Variants in POU2F3 observed in about 807,000 individuals in gnomAD.
The protein encoded by POU2F3 is POU class 2 homeobox 3.
Under a neutral mutation model 59.2 loss-of-function variants are expected in POU2F3, and 23 were observed. The ratio of observed to expected loss-of-function variants is 0.39; its 90% CI spans 0.28 to 0.55. The LOEUF is 0.55. Ranked by LOEUF, POU2F3 falls within the 20% of genes least tolerant of loss-of-function variation. The probability of loss-of-function intolerance (pLI) is 0.66; values close to 1 mark genes in which losing one functional copy is unlikely to be tolerated. For synonymous variants in POU2F3, 190 were observed against 214.6 expected (o/e 0.89, Z 1.00); for missense variants, 473 against 544.5 (o/e 0.87, Z 1.31).
At chr11:120,242,301 G>A (rs2135117339) in intron 1 of POU2F3, among the ~76,000 whole-genome samples, 2 of 152,242 alleles carry the variant, frequency 1.3e-5, no homozygotes, top group Middle Eastern at 3.4e-3. Flanking sequence ...GGTCCTCCTG[G>A]TGGCCTTTAC....
intron 2 of POU2F3, among the ~76,000 whole-genome samples, chr11:120,267,106 C>T (rs1477377094): frequency 6.6e-6 from 1 of 152,018 alleles, no homozygotes; most frequent in Non-Finnish European, 1.5e-5. Flanking sequence ...GTGGGTCCTT[C>T]CCGTCTTTAG....
upstream of POU2F3, chr11:120,236,639 T>C (rs760659353): frequency 6.8e-7 from 1 of 1,464,186 alleles, no homozygotes; most frequent in Non-Finnish European, 9.2e-7. Context: ...TTCCTCTCTA[T>C]CTCACTCCAG....
intron 3 of POU2F3, among the ~76,000 whole-genome samples, chr11:120,277,308 A>G (rs536079265): frequency 1.3e-5 from 2 of 151,836 alleles, no homozygotes; most frequent in Admixed American, 6.6e-5. Context: ...AAAAAATAAA[A>G]AAATTTTAAA....
chr11:120,245,654 G>T (rs545193293), intron 1 of POU2F3, among the ~76,000 whole-genome samples: 41 of 152,322 alleles, frequency 2.7e-4, no homozygotes, highest in African/African-American at 9.4e-4. Context: ...CACATAGGTG[G>T]TGGCAGCTGT....
At chr11:120,294,826 A>G (rs1406340682) in intron 3 of POU2F3, among the ~76,000 whole-genome samples, 1 of 152,220 alleles carries the variant, frequency 6.6e-6, no homozygotes, top group East Asian at 1.9e-4. Context: ...GTCCTTTATT[A>G]TCTTTCAATT....
chr11:120,266,162 A>G (rs575948538), intron 2 of POU2F3, among the ~76,000 whole-genome samples: 3 of 152,094 alleles, frequency 2.0e-5, no homozygotes, highest in African/African-American at 7.2e-5. Context: ...AAGTCACCCC[A>G]TCGTAGTGAG....
chr11:120,297,768 AT>A (rs546371223), intron 3 of POU2F3, among the ~76,000 whole-genome samples: 273 of 151,950 alleles, frequency 1.8e-3, no homozygotes, highest in African/African-American at 6.5e-3. Flanking sequence ...ATTTCTAAGA[AT>A]TTAATCCATT....
chr11:120,256,950 C>A (rs1197515331), intron 2 of POU2F3: 1 of 152,190 alleles, frequency 6.6e-6, no homozygotes. Context: ...AATCAGTAAC[C>A]TTAGGCGAGG....
chr11:120,251,523 C>T (rs1939098880), intron 2 of POU2F3, among the ~76,000 whole-genome samples: 2 of 152,142 alleles, frequency 1.3e-5, no homozygotes. Flanking sequence ...GGCTAGGTAG[C>T]CTCTAGGATC....
intron 2 of POU2F3, among the ~76,000 whole-genome samples, chr11:120,257,259 A>T (rs1286048080): frequency 1.3e-5 from 2 of 152,140 alleles, no homozygotes; most frequent in African/African-American, 2.4e-5. Context: ...TCACAGCGGG[A>T]GTTCAAGACC....
At chr11:120,278,022 T>C (rs541541993) in intron 3 of POU2F3, among the ~76,000 whole-genome samples, 4 of 152,300 alleles carry the variant, frequency 2.6e-5, no homozygotes, top group African/African-American at 9.6e-5. Flanking sequence ...TTTCAAAGTG[T>C]TAAACAACTC....
Position 120,309,441 on chromosome 11 carries a change from C to T in POU2F3, c.923C>T (p.Ser308Leu), listed in dbSNP as rs773444565. ...KRFQDNPKPS[S>L]EEISMIAEQL... ...TGCCTATAGAACCCAAAACCCAGCT[C>T]GGAGGAGATCTCCATGATTGCAGAG... The change falls in exon 10 of 13, where the codon TCG becomes TTG. Residue 308 changes from serine (S) to leucine (L), a missense_variant. Coordinates refer to ENST00000543440, the MANE Select transcript of POU2F3 (RefSeq NM_014352.4). The T allele has an allele frequency of 8.7e-6, 14 of 1,613,770 alleles. No homozygotes were observed. The highest frequency in any genetic ancestry group is 1.7e-5 in the Admixed American group (1 of 59,984).
intron 11 of POU2F3, among the ~76,000 whole-genome samples, chr11:120,316,797 G>A (rs1224061720): frequency 3.9e-5 from 6 of 152,182 alleles, no homozygotes; most frequent in Non-Finnish European, 8.8e-5. Context: ...AGAGCAGCTG[G>A]CAATCTTTCA....
intron 1 of POU2F3, among the ~76,000 whole-genome samples, chr11:120,242,016 G>A (rs892625700): frequency 6.6e-6 from 1 of 152,146 alleles, no homozygotes; most frequent in Non-Finnish European, 1.5e-5. Flanking sequence ...CACATGGGGG[G>A]AGACTGAGCT....
At chr11:120,276,622 C>T (rs570776062) in intron 3 of POU2F3, among the ~76,000 whole-genome samples, 3 of 152,288 alleles carry the variant, frequency 2.0e-5, no homozygotes, top group Admixed American at 6.5e-5. Flanking sequence ...AGCCAACAAA[C>T]CACATTTTGC....
Position 120,245,464 on chromosome 11 carries a change from G to C in POU2F3, c.29-985G>C, listed in dbSNP as rs138685034. ...CTTTATCTGGTTTGAAAGAGTTAAA[G>C]TGCTGCCCCAGAGAAGGGGGGGTGT... On this transcript the variant is annotated intron_variant, in intron 1 of 12. Coordinates refer to ENST00000543440, the MANE Select transcript of POU2F3 (RefSeq NM_014352.4). Among the ~76,000 whole-genome samples, 909 of 152,180 alleles carry C rather than the reference G, an allele frequency of 6.0e-3. 11 individuals carry two copies. Among genetic ancestry groups the C allele is most frequent in the African/African-American group, 0.021 (885 of 41,514 alleles).
intron 2 of POU2F3, among the ~76,000 whole-genome samples, chr11:120,251,543 G>A (rs1385462885): frequency 1.3e-5 from 2 of 152,152 alleles, no homozygotes; most frequent in African/African-American, 4.8e-5. Context: ...CTGCACCTCA[G>A]TCTGTACTGG....
intron 3 of POU2F3, among the ~76,000 whole-genome samples, chr11:120,275,781 C>G (rs1565369687): frequency 6.6e-6 from 1 of 152,198 alleles, no homozygotes; most frequent in South Asian, 2.1e-4. Flanking sequence ...ACCAATGGCT[C>G]TCCCATGCCT....
intron 3 of POU2F3, among the ~76,000 whole-genome samples, chr11:120,277,511 C>G (rs190041469): frequency 6.6e-6 from 1 of 152,144 alleles, no homozygotes; most frequent in Non-Finnish European, 1.5e-5. Context: ...TGCGGTGCCT[C>G]ACGCCTGTAA....
Sources: gnomAD v4.1 joint callset for allele counts (sites outside exome capture counted in the v4.1 genomes callset) on GRCh38, gnomAD v4.1.1 for gene constraint, MANE v1.5 for transcripts, NCBI Gene and HGNC (gene_info 2026-07-23, HGNC 2026-07-21) for gene names.